The following MANBAL variants were observed in gnomAD, a reference collection of about 807,000 sequenced individuals.
The protein encoded by MANBAL is protein MANBAL.
MANBAL carries 1 observed loss-of-function variant against 6.4 expected under a neutral mutation model. The ratio of observed to expected loss-of-function variants is 0.16; its 90% CI spans 0.06 to 0.74. The LOEUF is 0.74. Ranked by LOEUF, MANBAL falls within the 30% of genes least tolerant of loss-of-function variation. The probability of loss-of-function intolerance (pLI) is 0.78; values close to 1 mark genes in which losing one functional copy is unlikely to be tolerated. For synonymous variants in MANBAL, 47 were observed against 45.8 expected, an observed-to-expected ratio of 1.03 and a Z score of -0.10; for missense variants, 100 against 107.8, an observed-to-expected ratio of 0.93 and a Z score of 0.32.
intron 2 of MANBAL, among the ~76,000 whole-genome samples, chr20:37,310,924 T>G (rs1242157315): frequency 6.6e-6 from 1 of 152,082 alleles, no homozygotes; most frequent in Non-Finnish European, 1.5e-5. Context: ...TGAGGAGAAA[T>G]GAAAAGGCAG....
chr20:37,297,646 CTT>C (rs981790798), intron 1 of MANBAL: 60 of 145,288 alleles, frequency 4.1e-4, no homozygotes, highest in South Asian at 6.6e-4. Context: ...GGCGGCAGGC[CTT>C]TTTTTTTTTT....
At chr20:37,295,153 T>C (rs987306892) in intron 1 of MANBAL, among the ~76,000 whole-genome samples, 5 of 152,184 alleles carry the variant, frequency 3.3e-5, no homozygotes, top group Non-Finnish European at 7.4e-5. Context: ...TGTCGTTAAA[T>C]GATGACTCTG....
intron 2 of MANBAL, among the ~76,000 whole-genome samples, chr20:37,306,507 G>A (rs956699357): frequency 5.9e-5 from 9 of 152,266 alleles, no homozygotes; most frequent in South Asian, 4.1e-4. Flanking sequence ...CCCTAGAATC[G>A]TAAGCCAAAT....
chr20:37,302,425 G>T (rs1455416092), intron 2 of MANBAL: 1 of 1,393,094 alleles, frequency 7.2e-7, no homozygotes, highest in African/African-American at 1.4e-5. Flanking sequence ...TGGATTGATC[G>T]GTGGGTTTAG....
intron 2 of MANBAL, among the ~76,000 whole-genome samples, chr20:37,310,168 G>T (rs1600917855): frequency 6.6e-6 from 1 of 152,208 alleles, no homozygotes; most frequent in South Asian, 2.1e-4. Flanking sequence ...CTCCCCGCCT[G>T]CCAAGCGCAT....
At chr20:37,305,645 A>G (rs186568306) in intron 2 of MANBAL, among the ~76,000 whole-genome samples, 1 of 152,164 alleles carries the variant, frequency 6.6e-6, no homozygotes, top group African/African-American at 2.4e-5. Context: ...TCACACAAGT[A>G]AATTGTCTTC....
intron 2 of MANBAL, among the ~76,000 whole-genome samples, chr20:37,308,624 G>C (rs1184426426): frequency 6.6e-6 from 1 of 152,124 alleles, no homozygotes; most frequent in Non-Finnish European, 1.5e-5. Flanking sequence ...TTTTCTGGGG[G>C]AGATGGTCCA....
Position 37,302,142 on chromosome 20 carries a change from C to T in MANBAL, c.150+729C>T, listed in dbSNP as rs536651477. ...CTTCTACCCACTTTCTTGCCCACTC[C>T]CATTTGCTCGTGACATTGATTTATT... On this transcript the variant is annotated intron_variant, in intron 2 of 2. Transcript: ENST00000373606. The T allele has an allele frequency of 5.1e-4, 638 of 1,251,992 alleles. 10 individuals carry two copies. In the South Asian group the frequency reaches 8.1e-3, roughly 16 times the overall value. 77.6% of individuals were successfully genotyped at this position (1,251,992 alleles called of 1,614,324 possible).
intron 1 of MANBAL, among the ~76,000 whole-genome samples, chr20:37,292,698 A>G (rs1009384750): frequency 1.3e-5 from 2 of 152,208 alleles, no homozygotes; most frequent in Admixed American, 6.5e-5. Flanking sequence ...TCCATTGGCC[A>G]TTGGGAGCTC....
Position 37,301,279 on chromosome 20 carries a change from G to C in MANBAL, c.16G>C (p.Asp6His), listed in dbSNP as rs2069127957. The C allele has an allele frequency of 6.2e-7, 1 of 1,607,966 alleles. No homozygotes were observed. Among genetic ancestry groups the C allele is most frequent in the Non-Finnish European group, 8.5e-7 (1 of 1,175,954 alleles). ...GACTTGGGCCATGGCCTCTGACCTA[G>C]ACTTCTCACCTCCGGAGGTGCCCGA... MASDL[D>H]FSPPEVPEPT... Residue 6 changes from aspartate to histidine, a missense_variant, in exon 2 of 3, where the codon GAC (aspartate) becomes CAC (histidine). Transcript: ENST00000373606.
At chr20:37,302,286 C>T (rs769639890) in intron 2 of MANBAL, 2 of 1,550,560 alleles carry the variant, frequency 1.3e-6, no homozygotes, top group Non-Finnish European at 1.7e-6. Context: ...ACAGGAGTTC[C>T]ATGTAGAGGC....
rs146719040 is a variant in MANBAL at position 37,307,969 on chromosome 20, G to A, written c.150+6556G>A. On this transcript the variant is annotated intron_variant, in intron 2 of 2. Transcript: ENST00000373606. ...AGAGCAGGAGCGCCGCAGGGCCTCC[G>A]GAAGTGGTGGGAACTGGGACTTACT... 4.9e-4 allele frequency among the ~76,000 whole-genome samples: 74 copies of A among 152,272 alleles called. No homozygotes were observed. In the East Asian group the frequency reaches 7.5e-3, roughly 15 times the overall value.
At chr20:37,295,464 A>G (rs540268683) in intron 1 of MANBAL, among the ~76,000 whole-genome samples, 16 of 152,310 alleles carry the variant, frequency 1.1e-4, no homozygotes, top group Admixed American at 4.6e-4. Flanking sequence ...GATATTTTCT[A>G]TTGTTATTTA....
At chr20:37,308,774 T>G (rs185009293) in intron 2 of MANBAL, among the ~76,000 whole-genome samples, 96 of 152,310 alleles carry the variant, frequency 6.3e-4, no homozygotes, top group Middle Eastern at 3.4e-3. Flanking sequence ...TTCAGCCAGA[T>G]AAGGTGCACG....
At chr20:37,295,253 A>AT (rs1470791732) in intron 1 of MANBAL, among the ~76,000 whole-genome samples, 1 of 152,264 alleles carries the variant, frequency 6.6e-6, no homozygotes, top group Non-Finnish European at 1.5e-5. Context: ...AGGACCTGGA[A>AT]TAAACTCAAG....
chr20:37,294,630 A>G (rs2146787785), intron 1 of MANBAL, among the ~76,000 whole-genome samples: 1 of 152,352 alleles, frequency 6.6e-6, no homozygotes, highest in South Asian at 2.1e-4. Context: ...AGATGTTTAA[A>G]TGACTTCTTC....
At chr20:37,297,489 A>C (rs2069023746) in intron 1 of MANBAL, 1 of 152,218 alleles carries the variant, frequency 6.6e-6, no homozygotes, top group Non-Finnish European at 1.5e-5. Flanking sequence ...CCCCAGGCAC[A>C]TGACCTTCTG....
chr20:37,316,686 G>A lies in MANBAL; in HGVS notation c.*271G>A, dbSNP rs971002404. On this transcript the variant is annotated 3_prime_UTR_variant, in exon 3 of 3. Coordinates refer to ENST00000373606, the MANE Select transcript of MANBAL (RefSeq NM_001003897.2). Reference sequence around the variant, plus strand: ...ACTGTATTAGGTTTGTTCAGAAGCCGGGTCAGCTCACAGAGTCACATTTTC... The same window carrying A: ...ACTGTATTAGGTTTGTTCAGAAGCCAGGTCAGCTCACAGAGTCACATTTTC... 2.5e-5 allele frequency: 7 copies of A among 280,298 alleles called. No individual in the cohort carries two copies. The highest frequency in any genetic ancestry group is 8.9e-5 in the African/African-American group (4 of 44,978). 17.4% of individuals were successfully genotyped at this position (280,298 alleles called of 1,614,324 possible). A position where few individuals can be genotyped will look rare whatever the true frequency, so the allele number is the denominator to read the frequency against.
chr20:37,302,766 G>GTT (rs201677387), intron 2 of MANBAL, among the ~76,000 whole-genome samples: 30 of 144,854 alleles, frequency 2.1e-4, no homozygotes, highest in Non-Finnish European at 2.7e-4. Context: ...ATATGTTTTA[G>GTT]TTTTTTTTTT....
Sources: gnomAD v4.1 joint callset for allele counts (sites outside exome capture counted in the v4.1 genomes callset) on GRCh38, gnomAD v4.1.1 for gene constraint, MANE v1.5 for transcripts, NCBI Gene and HGNC (gene_info 2026-07-23, HGNC 2026-07-21) for gene names.